The following PXDNL variants were observed in gnomAD, a reference collection of about 807,000 sequenced individuals.
PXDNL encodes peroxidasin like.
PXDNL carries 145 observed loss-of-function variants against 150.8 expected under a neutral mutation model. The ratio of observed to expected loss-of-function variants is 0.96; its 90% CI spans 0.84 to 1.10. PXDNL has a LOEUF of 1.10. Ranked by LOEUF, PXDNL falls within the 50% of genes least tolerant of loss-of-function variation. PXDNL has a pLI of 0.00. For synonymous variants in PXDNL, 757 were observed against 725.7 expected, an observed-to-expected ratio of 1.04 and a Z score of -0.69; for missense variants, 2,087 against 1,873.9, an observed-to-expected ratio of 1.11 and a Z score of -2.10.
chr8:51,766,557 G>C (rs570299886), intron 1 of PXDNL, among the ~76,000 whole-genome samples: 164 of 152,168 alleles, frequency 1.1e-3, no homozygotes, highest in Non-Finnish European at 2.0e-3. Context: ...TGTTTATCTG[G>C]GAATGTCTTA....
At chr8:51,744,567 T>A (rs1366960217) in intron 1 of PXDNL, among the ~76,000 whole-genome samples, 2 of 142,228 alleles carry the variant, frequency 1.4e-5, no homozygotes, top group Non-Finnish European at 3.0e-5. Flanking sequence ...TCCCAGCTAC[T>A]CAGGAGGCTG....
At chr8:51,740,090 A>G (rs1360122767) in intron 1 of PXDNL, among the ~76,000 whole-genome samples, 1 of 152,206 alleles carries the variant, frequency 6.6e-6, no homozygotes, top group East Asian at 1.9e-4. Context: ...TGTGGATTTA[A>G]TAACTCAACA....
At chr8:51,520,803 A>T (rs1387089785) in intron 4 of PXDNL, among the ~76,000 whole-genome samples, 1 of 93,024 alleles carries the variant, frequency 1.1e-5, no homozygotes, top group Non-Finnish European at 2.0e-5. Context: ...CCCTCGAACA[A>T]AAAAAAAACT....
intron 13 of PXDNL, among the ~76,000 whole-genome samples, chr8:51,425,588 C>T (rs1211300942): frequency 8.6e-5 from 13 of 151,866 alleles, no homozygotes; most frequent in East Asian, 1.9e-4. Flanking sequence ...AATCCCAGCA[C>T]GTTGGGAGGC....
chr8:51,360,615 GA>G (rs202159208), intron 19 of PXDNL, among the ~76,000 whole-genome samples: 1,763 of 152,304 alleles, frequency 0.012, 27 homozygotes, highest in South Asian at 0.043. Flanking sequence ...ATTAGGTTTA[GA>G]CCAAAGCTAC....
chr8:51,516,998 TG>T (rs1563447078), intron 4 of PXDNL, among the ~76,000 whole-genome samples: 1 of 152,356 alleles, frequency 6.6e-6, no homozygotes. Flanking sequence ...CATTTTAGCA[TG>T]TTCTGTATAT....
intron 21 of PXDNL, among the ~76,000 whole-genome samples, chr8:51,327,275 T>A (rs1460762920): frequency 1.3e-5 from 2 of 152,154 alleles, no homozygotes; most frequent in Admixed American, 6.5e-5. Context: ...CATGGCTTAA[T>A]CTAGACCAAG....
At position 51,374,593 on chromosome 8, in the gene PXDNL, T is replaced by A; in HGVS notation, c.3692+4A>T. ...TTTAATAAGTATAACAGATAATCAT[T>A]CACCTATCTCCATCTCTTAGCCGCT... On this transcript the variant is annotated splice_donor_region_variant and intron_variant, in intron 18 of 22. Transcript: ENST00000356297. The A allele has an allele frequency of 6.2e-7, 1 of 1,613,766 alleles. No individual in the cohort carries two copies. Among genetic ancestry groups the A allele is most frequent in the Non-Finnish European group, 8.5e-7 (1 of 1,179,728 alleles).
intron 2 of PXDNL, among the ~76,000 whole-genome samples, chr8:51,634,525 C>T (rs115239307): frequency 0.023 from 3,427 of 152,022 alleles, 117 homozygotes; most frequent in African/African-American, 0.077. Flanking sequence ...AAATGACATC[C>T]GTAGTTTGAT....
chr8:51,357,419 T>C (rs1028746652), intron 19 of PXDNL, among the ~76,000 whole-genome samples: 1 of 152,178 alleles, frequency 6.6e-6, no homozygotes, highest in Non-Finnish European at 1.5e-5. Flanking sequence ...TCCAGTAAAA[T>C]GCTGGGTGGC....
intron 21 of PXDNL, among the ~76,000 whole-genome samples, chr8:51,325,408 C>T (rs571630153): frequency 8.5e-5 from 13 of 152,312 alleles, no homozygotes; most frequent in African/African-American, 3.1e-4. Flanking sequence ...AGTCCAGGTT[C>T]CCTCCTTGGC....
chr8:51,787,881 A>AT (rs2037475124), intron 1 of PXDNL, among the ~76,000 whole-genome samples: 7 of 152,210 alleles, frequency 4.6e-5, no homozygotes, highest in Admixed American at 4.6e-4. Context: ...TCCTCATCTT[A>AT]TTTTAAGAAA....
chr8:51,530,052 T>G (rs1216723910), intron 4 of PXDNL, among the ~76,000 whole-genome samples: 1 of 152,098 alleles, frequency 6.6e-6, no homozygotes, highest in East Asian at 1.9e-4. Context: ...AGCTTTGGAG[T>G]TCTTGTGGAT....
intron 14 of PXDNL, among the ~76,000 whole-genome samples, chr8:51,414,490 CA>C (rs1808741377): frequency 6.6e-6 from 1 of 151,094 alleles, no homozygotes; most frequent in South Asian, 2.1e-4. Flanking sequence ...AGATTATGTG[CA>C]GCAATTCTGA....
chr8:51,710,238 T>C (rs1271693130), intron 1 of PXDNL, among the ~76,000 whole-genome samples: 1 of 152,262 alleles, frequency 6.6e-6, no homozygotes, highest in Non-Finnish European at 1.5e-5. Context: ...GTATCACTTT[T>C]ATAGAAGCAA....
chr8:51,378,808 G>A (rs1388861716), intron 17 of PXDNL, among the ~76,000 whole-genome samples: 3 of 152,176 alleles, frequency 2.0e-5, no homozygotes, highest in Non-Finnish European at 4.4e-5. Flanking sequence ...CACTCCTGAA[G>A]CCAGCAAGAC....
intron 1 of PXDNL, among the ~76,000 whole-genome samples, chr8:51,666,034 G>GA (rs1018100558): frequency 1.3e-5 from 2 of 152,126 alleles, no homozygotes; most frequent in African/African-American, 2.4e-5. Context: ...GATAACAACT[G>GA]AAAAAATATT....
chr8:51,653,147 G>A (rs1815075774), intron 2 of PXDNL, among the ~76,000 whole-genome samples: 1 of 152,098 alleles, frequency 6.6e-6, no homozygotes, highest in Admixed American at 6.5e-5. Flanking sequence ...CCTGGGCGTG[G>A]TGGTTCATGC....
intron 1 of PXDNL, among the ~76,000 whole-genome samples, chr8:51,665,268 C>A (rs1014768249): frequency 6.6e-6 from 1 of 152,188 alleles, no homozygotes; most frequent in Non-Finnish European, 1.5e-5. Context: ...CGCGGTGGGT[C>A]TCCCTGGACA....
Sources: gnomAD v4.1 joint callset for allele counts (sites outside exome capture counted in the v4.1 genomes callset) on GRCh38, gnomAD v4.1.1 for gene constraint, MANE v1.5 for transcripts, NCBI Gene and HGNC (gene_info 2026-07-23, HGNC 2026-07-21) for gene names.